The following INPP4B variants were observed in gnomAD, a reference collection of about 807,000 sequenced individuals.
INPP4B encodes the protein inositol polyphosphate-4-phosphatase type II B.
In INPP4B, 55 loss-of-function variants were observed where a neutral mutation model predicts 122.5. The ratio of observed to expected loss-of-function variants is 0.45; its 90% CI spans 0.36 to 0.56. The LOEUF is 0.56. Among genes scored for constraint, INPP4B ranks in the 20% least tolerant of loss-of-function variants. The probability of loss-of-function intolerance (pLI) is 0.00; values close to 1 mark genes in which losing one functional copy is unlikely to be tolerated. For synonymous variants in INPP4B, 403 were observed against 388.7 expected, an observed-to-expected ratio of 1.04 and a Z score of -0.43; for missense variants, 1,000 against 1,097.7, an observed-to-expected ratio of 0.91 and a Z score of 1.26.
chr4:142,425,525 T>C (rs1401296382), intron 5 of INPP4B, among the ~76,000 whole-genome samples: 2 of 151,956 alleles, frequency 1.3e-5, no homozygotes, highest in African/African-American at 4.8e-5. Flanking sequence ...ATTCCCATTA[T>C]AAGAACCCTA....
At chr4:142,133,422 T>G (rs915313137) in intron 18 of INPP4B, among the ~76,000 whole-genome samples, 9 of 152,180 alleles carry the variant, frequency 5.9e-5, no homozygotes, top group Non-Finnish European at 1.3e-4. Context: ...TCCACTTGTC[T>G]TCTTCTTCGT....
chr4:142,742,249 G>A (rs1340422611), intron 1 of INPP4B, among the ~76,000 whole-genome samples: 2 of 152,002 alleles, frequency 1.3e-5, no homozygotes, highest in Non-Finnish European at 1.5e-5. Flanking sequence ...GGATACCAAA[G>A]GCCAGTACCC....
intron 1 of INPP4B, among the ~76,000 whole-genome samples, chr4:142,759,679 A>G (rs1771012965): frequency 2.0e-5 from 3 of 152,084 alleles, no homozygotes; most frequent in Non-Finnish European, 4.4e-5. Context: ...CACCAGGCAC[A>G]TGGTAAACAA....
chr4:142,676,727 AC>A (rs1757846704), intron 2 of INPP4B, among the ~76,000 whole-genome samples: 1 of 152,166 alleles, frequency 6.6e-6, no homozygotes, highest in Non-Finnish European at 1.5e-5. Context: ...ACTGACAAAA[AC>A]AAGCAGTGGG....
chr4:142,801,652 G>A (rs1933582090), intron 1 of INPP4B, among the ~76,000 whole-genome samples: 1 of 152,162 alleles, frequency 6.6e-6, no homozygotes, highest in Admixed American at 6.5e-5. Flanking sequence ...CAGTACAGAT[G>A]GATGTCAGTG....
At chr4:142,153,205 T>C (rs953933859) in intron 17 of INPP4B, among the ~76,000 whole-genome samples, 2 of 152,220 alleles carry the variant, frequency 1.3e-5, no homozygotes, top group Non-Finnish European at 2.9e-5. Flanking sequence ...TATTAGATAC[T>C]TGCACAACTG....
intron 14 of INPP4B, among the ~76,000 whole-genome samples, chr4:142,197,324 T>A (rs947973501): frequency 6.6e-6 from 1 of 152,038 alleles, no homozygotes; most frequent in African/African-American, 2.4e-5. Context: ...TATTTTTCCA[T>A]CCTAACCTCC....
intron 8 of INPP4B, among the ~76,000 whole-genome samples, chr4:142,311,019 T>C (rs1765315427): frequency 1.3e-5 from 2 of 152,074 alleles, no homozygotes; most frequent in African/African-American, 2.4e-5. Context: ...CTAACATATT[T>C]GAAAGATTAT....
chr4:142,798,009 A>G (rs1039707014), intron 1 of INPP4B, among the ~76,000 whole-genome samples: 1 of 151,934 alleles, frequency 6.6e-6, no homozygotes, highest in Admixed American at 6.6e-5. Context: ...CCTAAAGAAC[A>G]ATTGATTTCA....
At chr4:142,295,411 G>T (rs1001804718) in intron 9 of INPP4B, among the ~76,000 whole-genome samples, 1 of 152,124 alleles carries the variant, frequency 6.6e-6, no homozygotes, top group African/African-American at 2.4e-5. Flanking sequence ...TGTTCATTTG[G>T]GTGAGGATCA....
chr4:142,607,235 T>G (rs2150321989), intron 2 of INPP4B, among the ~76,000 whole-genome samples: 1 of 152,178 alleles, frequency 6.6e-6, no homozygotes, highest in South Asian at 2.1e-4. Context: ...AATCATTCCC[T>G]TTTTGTTGAA....
chr4:142,472,875 C>T (rs1465483539), intron 2 of INPP4B, among the ~76,000 whole-genome samples: 1 of 152,120 alleles, frequency 6.6e-6, no homozygotes. Context: ...AAAAGAAAAA[C>T]TTTTCTACTT....
chr4:142,785,033 A>G (rs967133085), intron 1 of INPP4B, among the ~76,000 whole-genome samples: 27 of 152,188 alleles, frequency 1.8e-4, no homozygotes, highest in Admixed American at 6.5e-4. Flanking sequence ...AGCAATGTCA[A>G]CAGGGCTCCA....
chr4:142,369,990 A>G (rs1579870701), intron 7 of INPP4B, among the ~76,000 whole-genome samples: 1 of 151,994 alleles, frequency 6.6e-6, no homozygotes, highest in East Asian at 1.9e-4. Context: ...AGATTAGGTC[A>G]CATGCCTAGG....
chr4:142,659,435 G>C (rs1025486935), intron 2 of INPP4B, among the ~76,000 whole-genome samples: 10 of 151,780 alleles, frequency 6.6e-5, no homozygotes, highest in African/African-American at 2.4e-4. Context: ...ACTGGAGAGA[G>C]AGAAATTATG....
At chr4:142,441,409 T>C (rs1424829489) in intron 3 of INPP4B, among the ~76,000 whole-genome samples, 3 of 152,106 alleles carry the variant, frequency 2.0e-5, no homozygotes, top group African/African-American at 7.2e-5. Context: ...CCTAGTAAAT[T>C]ACAAGCCACT....
chr4:142,706,214 GAGGC>G, intron 2 of INPP4B, among the ~76,000 whole-genome samples: 1 of 152,276 alleles, frequency 6.6e-6, no homozygotes, highest in Non-Finnish European at 1.5e-5. Context: ...CTAAGCCCTC[GAGGC>G]CATTACCTTG....
intron 2 of INPP4B, among the ~76,000 whole-genome samples, chr4:142,486,644 A>C (rs1408364160): frequency 6.6e-6 from 1 of 152,124 alleles, no homozygotes; most frequent in Non-Finnish European, 1.5e-5. Flanking sequence ...TTTTCCACTT[A>C]CGGTTTGTGC....
At chr4:142,261,977 T>C (rs963455110) in intron 10 of INPP4B, among the ~76,000 whole-genome samples, 3 of 152,164 alleles carry the variant, frequency 2.0e-5, no homozygotes, top group African/African-American at 7.2e-5. Context: ...ATCGCATTTC[T>C]GACCACCCCG....
Sources: allele counts gnomAD v4.1 joint callset (sites outside exome capture counted in the v4.1 genomes callset), GRCh38; gene constraint gnomAD v4.1.1; transcripts MANE v1.5; gene names NCBI Gene and HGNC (gene_info 2026-07-23, HGNC 2026-07-21).